Variants in CKAP2 observed in about 807,000 individuals in gnomAD.
The protein encoded by CKAP2 is cytoskeleton-associated protein 2.
Under a neutral mutation model 58.4 loss-of-function variants are expected in CKAP2, and 46 were observed. The observed-to-expected ratio is 0.79, with a 90% confidence interval of 0.62 to 1.01. CKAP2 has a LOEUF of 1.01. CKAP2 is among the 50% of genes least tolerant of loss of function. The probability of loss-of-function intolerance (pLI) is 0.00; values close to 1 mark genes in which losing one functional copy is unlikely to be tolerated. For synonymous variants in CKAP2, 293 were observed against 280.9 expected (o/e 1.04, Z -0.43); for missense variants, 809 against 796.4 (o/e 1.02, Z -0.19).
intron 6 of CKAP2, among the ~76,000 whole-genome samples, chr13:52,467,860 A>G (rs1958703843): frequency 6.7e-6 from 1 of 150,266 alleles, no homozygotes; most frequent in Admixed American, 6.6e-5. Context: ...CCCAGGCTAG[A>G]GTGCAGTGGC....
At chr13:52,455,696 G>C in intron 1 of CKAP2, 70 bp downstream of exon 1, 1 of 1,385,754 alleles carries the variant, frequency 7.2e-7, no homozygotes, top group Non-Finnish European at 9.3e-7. Context: ...GGCGGTCGGG[G>C]CTCGGGGCCG....
chr13:52,467,049 A>G (rs925312659), intron 6 of CKAP2, among the ~76,000 whole-genome samples: 16 of 150,652 alleles, frequency 1.1e-4, no homozygotes, highest in African/African-American at 3.7e-4. Flanking sequence ...CTAGTGAGCC[A>G]TGATTATGCC....
chr13:52,471,050 C>T (rs1245253294), intron 7 of CKAP2, among the ~76,000 whole-genome samples: 1 of 151,984 alleles, frequency 6.6e-6, no homozygotes, highest in Non-Finnish European at 1.5e-5. Flanking sequence ...CCCAGCTACT[C>T]GGGGGGCTGA....
At chr13:52,466,065 T>C (rs1201875377) in intron 6 of CKAP2, among the ~76,000 whole-genome samples, 1 of 151,908 alleles carries the variant, frequency 6.6e-6, no homozygotes, top group African/African-American at 2.4e-5. Context: ...ATATATAATA[T>C]GTATACACTG....
intron 5 of CKAP2, among the ~76,000 whole-genome samples, chr13:52,463,716 A>T (rs1385458068): frequency 6.6e-6 from 1 of 152,206 alleles, no homozygotes; most frequent in Non-Finnish European, 1.5e-5. Context: ...TTCTCTAGGG[A>T]TAAGGAGGCA....
At chr13:52,464,760 T>A (rs1958640071) in intron 5 of CKAP2, among the ~76,000 whole-genome samples, 1 of 152,154 alleles carries the variant, frequency 6.6e-6, no homozygotes, top group African/African-American at 2.4e-5. Context: ...GTGTGTAAGA[T>A]CCACAGCAAA....
intron 7 of CKAP2, among the ~76,000 whole-genome samples, chr13:52,472,402 C>G (rs1225745238): frequency 6.6e-6 from 1 of 152,202 alleles, no homozygotes; most frequent in Non-Finnish European, 1.5e-5. Flanking sequence ...TTCTCTCCTT[C>G]AGCTTCCACT....
At position 52,475,741 on chromosome 13, in the gene CKAP2, A is replaced by T. The variant is rs374584816; in HGVS notation, c.*600A>T. On this transcript the variant is annotated 3_prime_UTR_variant, in exon 9 of 9. Coordinates refer to ENST00000258607, the MANE Select transcript of CKAP2 (RefSeq NM_018204.5). Reference sequence around the variant, plus strand: ...TGATTGATGGAAAGTGTCTGCACTGACACTTTTCGTCAGTAGTCTGTAGTT... The same window carrying T: ...TGATTGATGGAAAGTGTCTGCACTGTCACTTTTCGTCAGTAGTCTGTAGTT... The T allele has an allele frequency of 6.6e-6, 1 of 152,186 alleles. No homozygotes were observed. The highest frequency in any genetic ancestry group is 2.4e-5 in the African/African-American group (1 of 41,430). The allele number at this position is 152,186 out of a possible 1,614,324, so 9.4% of individuals were successfully genotyped here.
At position 52,465,293 on chromosome 13, in the gene CKAP2, A is replaced by G; in HGVS notation, c.1306-2A>G. The G allele has an allele frequency of 3.8e-6, 6 of 1,598,154 alleles. No homozygotes were observed. The highest frequency in any genetic ancestry group is 5.1e-6 in the Non-Finnish European group (6 of 1,175,132). On this transcript the variant is annotated splice_acceptor_variant, in intron 5 of 8. Transcript: ENST00000258607. LOFTEE classifies it high-confidence loss of function. ...TACACACATTTTTTCTTGCTTTTTT[A>G]GGGATGTCCAAAAGAAGATATACTG...
At chr13:52,474,155 T>C (rs1958797305) in intron 8 of CKAP2, 71 bp downstream of exon 8, 2 of 1,408,576 alleles carry the variant, frequency 1.4e-6, no homozygotes, top group African/African-American at 1.4e-5. Context: ...TTAAAAATCT[T>C]TGAGATAGCT....
In CKAP2 at chr13:52,461,448, T is replaced by G; in HGVS notation, c.622T>G (p.Ser208Ala). 1.2e-6 allele frequency: 2 copies of G among 1,614,146 alleles called. No homozygotes were observed. Among genetic ancestry groups the G allele is most frequent in the Non-Finnish European group, 1.7e-6 (2 of 1,180,026 alleles). The change falls in exon 4 of 9, where the codon TCA becomes GCA. Residue 208 changes from serine to alanine, a missense_variant. Ser to Ala is a moderately conservative substitution (Grantham distance 99). This residue lies in a region of CKAP2 where 523 missense variants were observed against 492.4 expected (regional missense o/e 1.06). Transcript: ENST00000258607. ...DESSAATKKL[S>A]ATIPKATKPQ... ...GAGTTCTGCAGCAACAAAGAAACTT[T>G]CAGCCACTATACCTAAAGCCACAAA...
In CKAP2 at chr13:52,461,409, C is replaced by G; in HGVS notation, c.583C>G (p.Gln195Glu). The G allele has an allele frequency of 6.2e-7, 1 of 1,614,194 alleles. No homozygotes were observed. The highest frequency in any genetic ancestry group is 8.5e-7 in the Non-Finnish European group (1 of 1,180,018). The change falls in exon 4 of 9, where the codon CAA becomes GAA. Residue 195 changes from glutamine to glutamate, a missense_variant. Coordinates refer to ENST00000258607, the MANE Select transcript of CKAP2 (RefSeq NM_018204.5). ...SKINSFRKPL[Q>E]VKDESSAATK... is the part of the protein sequence containing the mutation. ...GATTAATTCATTTAGAAAACCTCTACAAGTCAAAGATGAGAGTTCTGCAGC... is the reference window on the plus strand; with the variant it reads ...GATTAATTCATTTAGAAAACCTCTAGAAGTCAAAGATGAGAGTTCTGCAGC...
intron 5 of CKAP2, among the ~76,000 whole-genome samples, chr13:52,464,698 A>T (rs1958638316): frequency 6.6e-6 from 1 of 152,012 alleles, no homozygotes; most frequent in African/African-American, 2.4e-5. Context: ...TTAATAATAG[A>T]TAATATCTTT....
At chr13:52,465,928 TAC>T (rs923754202) in intron 6 of CKAP2, 4 of 322,374 alleles carry the variant, frequency 1.2e-5, no homozygotes, top group Non-Finnish European at 2.4e-5. Context: ...CACATATATA[TAC>T]ACACATATAT....
chr13:52,464,054 T>C lies in CKAP2; in HGVS notation c.1306-1241T>C, dbSNP rs182532300. On this transcript the variant is annotated intron_variant, in intron 5 of 8. Transcript: ENST00000258607. ...GGGTTTTTTTACTGAATTACAAATA[T>C]TTGATTTCTCTGAGCTAATTAATAT... 1.1e-3 allele frequency among the ~76,000 whole-genome samples: 165 copies of C among 152,348 alleles called. 1 individual carries two copies. Among genetic ancestry groups the C allele is most frequent in the Non-Finnish European group, 1.1e-3 (74 of 68,034 alleles).
At position 52,470,583 on chromosome 13, in the gene CKAP2, C is replaced by T. The variant is rs114711053; in HGVS notation, c.1546+2236C>T. Among the ~76,000 whole-genome samples, 1,123 of 151,690 alleles carry T rather than the reference C, an allele frequency of 7.4e-3. 6 individuals are homozygous for T. Among genetic ancestry groups the T allele is most frequent in the African/African-American group, 0.017 (699 of 41,300 alleles). ...TTCTAAATTAAGTATGTTATGTAAGCTTTTGATTACATGTATTAACTGAAA... is the reference window on the plus strand; with the variant it reads ...TTCTAAATTAAGTATGTTATGTAAGTTTTTGATTACATGTATTAACTGAAA... On this transcript the variant is annotated intron_variant, in intron 7 of 8. Transcript: ENST00000258607.
intron 1 of CKAP2, chr13:52,455,890 A>G: frequency 3.7e-6 from 4 of 1,070,640 alleles, no homozygotes; most frequent in Non-Finnish European, 4.7e-6. Context: ...GGCGAGGGGA[A>G]ACGCGCGGGC....
chr13:52,461,250 A>G lies in CKAP2; in HGVS notation c.424A>G (p.Thr142Ala). 1 of 1,613,562 alleles carries G rather than the reference A, an allele frequency of 6.2e-7. No homozygotes were observed. The highest frequency in any genetic ancestry group is 8.5e-7 in the Non-Finnish European group (1 of 1,179,908). The change falls in exon 4 of 9, where the codon ACA (threonine) becomes GCA (alanine). Residue 142 changes from threonine (T) to alanine (A), a missense_variant. Coordinates refer to ENST00000258607, the MANE Select transcript of CKAP2 (RefSeq NM_018204.5). Reference sequence around the variant, plus strand: ...AGATGATCCCCAAAGTCAACATATGACATTAAGCCAGGCATTTCACCTTAA... The same window carrying G: ...AGATGATCCCCAAAGTCAACATATGGCATTAAGCCAGGCATTTCACCTTAA... ...TEDDPQSQHM[T>A]LSQAFHLKNN... is the part of the protein sequence containing the mutation.
chr13:52,461,157 T>A lies in CKAP2; in HGVS notation c.331T>A (p.Ser111Thr). 1.2e-6 allele frequency: 2 copies of A among 1,613,440 alleles called. No individual in the cohort carries two copies. Among genetic ancestry groups the A allele is most frequent in the Non-Finnish European group, 1.7e-6 (2 of 1,179,894 alleles). ...PLKPSNELTN[S>T]TVVIDTHKPK... ...AAAACCTTCAAATGAACTAACCAATTCAACTGTAGTAATTGACACACATAA... is the reference window on the plus strand; with the variant it reads ...AAAACCTTCAAATGAACTAACCAATACAACTGTAGTAATTGACACACATAA... The change falls in exon 4 of 9, where the codon TCA becomes ACA. Residue 111 changes from serine to threonine, a missense_variant. By Grantham distance (58) the Ser-to-Thr change is moderately conservative. Coordinates refer to ENST00000258607, the MANE Select transcript of CKAP2 (RefSeq NM_018204.5).
Sources: gnomAD v4.1 joint callset for allele counts (sites outside exome capture counted in the v4.1 genomes callset) on GRCh38, gnomAD v4.1.1 for gene constraint, gnomAD v4.1.1 regional missense constraint, MANE v1.5 for transcripts, NCBI Gene and HGNC (gene_info 2026-07-23, HGNC 2026-07-21) for gene names.